Variants in BAZ2B observed in about 807,000 individuals in gnomAD.
BAZ2B encodes bromodomain adjacent to zinc finger domain protein 2B.
Under a neutral mutation model 246.0 loss-of-function variants are expected in BAZ2B, and 91 were observed. The ratio of observed to expected loss-of-function variants is 0.37; its 90% confidence interval spans 0.31 to 0.44. BAZ2B has a LOEUF of 0.44. Ranked by LOEUF, BAZ2B falls within the 20% of genes least tolerant of loss-of-function variation. The pLI, the probability that BAZ2B is intolerant of heterozygous loss-of-function variation, is 1.00. For synonymous variants in BAZ2B, 855 were observed against 860.0 expected (o/e 0.99, Z 0.10); for missense variants, 2,332 against 2,533.7 (o/e 0.92, Z 1.71).
At chr2:159,475,871 G>A (rs1577512235) in intron 3 of BAZ2B, among the ~76,000 whole-genome samples, 1 of 152,150 alleles carries the variant, frequency 6.6e-6, no homozygotes, top group Non-Finnish European at 1.5e-5. Context: ...ACCAGTGGAG[G>A]GTGCAGAACA....
At chr2:159,539,684 T>C (rs2086425091) in intron 2 of BAZ2B, among the ~76,000 whole-genome samples, 1 of 152,216 alleles carries the variant, frequency 6.6e-6, no homozygotes, top group African/African-American at 2.4e-5. Context: ...AAGACCAGCC[T>C]CAGCAACATA....
the BAZ2B span, among the ~76,000 whole-genome samples, chr2:159,654,103 G>A: frequency 2.0e-5 from 3 of 152,140 alleles, no homozygotes; most frequent in Non-Finnish European, 2.9e-5. Flanking sequence ...CTATCAACAA[G>A]AGCAGCTTGG....
intron 2 of BAZ2B, among the ~76,000 whole-genome samples, chr2:159,528,453 C>T (rs576854783): frequency 5.3e-5 from 8 of 152,090 alleles, no homozygotes; most frequent in Admixed American, 3.9e-4. Flanking sequence ...GAGGCCAAGG[C>T]GGTTGGATCA....
the BAZ2B span, among the ~76,000 whole-genome samples, chr2:159,642,477 G>T: frequency 6.6e-6 from 1 of 151,594 alleles, no homozygotes; most frequent in Non-Finnish European, 1.5e-5. Flanking sequence ...GCCCTCAAGT[G>T]ATCCACCCGC....
At chr2:159,645,509 C>T in the BAZ2B span, among the ~76,000 whole-genome samples, 1 of 151,966 alleles carries the variant, frequency 6.6e-6, no homozygotes, top group African/African-American at 2.4e-5. Flanking sequence ...CCATGCACTG[C>T]TCACAATAGG....
intron 27 of BAZ2B, among the ~76,000 whole-genome samples, chr2:159,364,218 A>C (rs935564193): frequency 1.3e-5 from 2 of 152,208 alleles, no homozygotes; most frequent in African/African-American, 4.8e-5. Flanking sequence ...ACCAAGTATC[A>C]TAGCTCCAGA....
chr2:159,439,315 C>G, intron 6 of BAZ2B, 103 bp from the exon 7 acceptor site: 2 of 1,030,206 alleles, frequency 1.9e-6, no homozygotes, highest in Non-Finnish European at 2.8e-6. Context: ...TTTTCAATCT[C>G]AAAATGTCAT....
At chr2:159,464,101 C>T (rs1279960491) in intron 3 of BAZ2B, 1 of 152,174 alleles carries the variant, frequency 6.6e-6, no homozygotes, top group African/African-American at 2.4e-5. Context: ...CCCAACCTTA[C>T]TTCTCCTTAT....
At chr2:159,677,155 G>T in the BAZ2B span, among the ~76,000 whole-genome samples, 1 of 150,884 alleles carries the variant, frequency 6.6e-6, no homozygotes, top group East Asian at 1.9e-4. Flanking sequence ...TTGCTTGAAA[G>T]GTAATAAAAT....
rs188036211 is a variant in BAZ2B, at chr2:159,453,953, A to G, written c.146-152T>C. Reference sequence around the variant, plus strand: ...CTGCATTTTCTACTCTTCAAACCCTATAAAATGTTTCTAGAAACATGAAGA... The same window carrying G: ...CTGCATTTTCTACTCTTCAAACCCTGTAAAATGTTTCTAGAAACATGAAGA... On this transcript the variant is annotated intron_variant, in intron 3 of 36. Coordinates refer to ENST00000392783, the MANE Select transcript of BAZ2B (RefSeq NM_013450.4). 88 of 578,394 alleles carry G rather than the reference A, an allele frequency of 1.5e-4. 1 individual carries two copies. In the East Asian group the frequency reaches 2.9e-3, roughly 19 times the overall value. 35.8% of individuals were successfully genotyped at this position (578,394 alleles called of 1,614,324 possible). A position where few individuals can be genotyped will look rare whatever the true frequency, so the allele number is the denominator to read the frequency against.
chr2:159,696,975 A>T, the BAZ2B span, among the ~76,000 whole-genome samples: 1 of 152,124 alleles, frequency 6.6e-6, no homozygotes, highest in African/African-American at 2.4e-5. Flanking sequence ...TTGTAGGGAC[A>T]GGATTTCACC....
chr2:159,560,781 C>T (rs138824443), intron 1 of BAZ2B, among the ~76,000 whole-genome samples: 5,402 of 152,084 alleles, frequency 0.036, 305 homozygotes, highest in African/African-American at 0.12. Flanking sequence ...CCCGCCTTGG[C>T]CTCCCAAAGT....
the BAZ2B span, among the ~76,000 whole-genome samples, chr2:159,684,260 A>C: frequency 5.9e-3 from 903 of 152,358 alleles, 4 homozygotes; most frequent in Middle Eastern, 0.024. Flanking sequence ...AGCATGAATA[A>C]AGCTGCTATG....
rs534669474 is a variant in BAZ2B at position 159,427,923 on chromosome 2, T to A, written c.2466+18A>T. ...CTACTTTTTGGTTCAAAGACTATAC[T>A]TTTTAAAAAGTGGATACCTGCGGTC... is the stretch of plus-strand genomic sequence containing the variant. On this transcript the variant is annotated intron_variant, in intron 13 of 36. Coordinates refer to ENST00000392783, the MANE Select transcript of BAZ2B (RefSeq NM_013450.4). 10 of 1,603,836 alleles carry A rather than the reference T, an allele frequency of 6.2e-6. No homozygotes were observed. The South Asian group carries it at 9.9e-5, about 16-fold the overall frequency.
chr2:159,544,487 A>G, intron 2 of BAZ2B, among the ~76,000 whole-genome samples: 1 of 152,194 alleles, frequency 6.6e-6, no homozygotes, highest in Non-Finnish European at 1.5e-5. Context: ...AATACAGGGA[A>G]TATATAAAGA....
In BAZ2B at chr2:159,373,193, T is replaced by G. The variant is rs758504511; in HGVS notation, c.4069-4A>C. ...TCCTTCTGTACTGACTCTGTTGCTGTTAAAAAAATGGTACATATAATTAGG... is the reference window on the plus strand; with the variant it reads ...TCCTTCTGTACTGACTCTGTTGCTGGTAAAAAAATGGTACATATAATTAGG... On this transcript the variant is annotated splice_polypyrimidine_tract_variant and splice_region_variant and intron_variant, in intron 26 of 36. Coordinates refer to ENST00000392783, the MANE Select transcript of BAZ2B (RefSeq NM_013450.4). 2 of 1,600,072 alleles carry G rather than the reference T, an allele frequency of 1.2e-6. No individual in the cohort carries two copies. Among genetic ancestry groups the G allele is most frequent in the South Asian group, 2.3e-5 (2 of 87,554 alleles).
intron 2 of BAZ2B, among the ~76,000 whole-genome samples, chr2:159,488,674 A>G (rs1256956088): frequency 6.6e-6 from 1 of 152,214 alleles, no homozygotes; most frequent in East Asian, 1.9e-4. Flanking sequence ...AAAATATTAC[A>G]CAAAAATGAA....
At position 159,412,558 on chromosome 2, in the gene BAZ2B, A is replaced by G. The variant is rs2066985552; in HGVS notation, c.2467-13T>C. 1 of 1,594,462 alleles carries G rather than the reference A, an allele frequency of 6.3e-7. No homozygotes were observed. Among genetic ancestry groups the G allele is most frequent in the Non-Finnish European group, 8.6e-7 (1 of 1,168,278 alleles). On this transcript the variant is annotated splice_polypyrimidine_tract_variant and intron_variant, in intron 13 of 36. Coordinates refer to ENST00000392783, the MANE Select transcript of BAZ2B (RefSeq NM_013450.4). Reference sequence around the variant, plus strand: ...ACCACTGCATTCCCTTTTAATTAACATTTTATAGAAATAATATATTACAAA... The same window carrying G: ...ACCACTGCATTCCCTTTTAATTAACGTTTTATAGAAATAATATATTACAAA...
At chr2:159,574,411 T>G (rs1403052725) in intron 1 of BAZ2B, among the ~76,000 whole-genome samples, 1 of 152,096 alleles carries the variant, frequency 6.6e-6, no homozygotes, top group Non-Finnish European at 1.5e-5. Flanking sequence ...CTGGAACCCT[T>G]ACACAATGCC....
Sources: gnomAD v4.1 joint callset for allele counts (sites outside exome capture counted in the v4.1 genomes callset) on GRCh38, gnomAD v4.1.1 for gene constraint, MANE v1.5 for transcripts, NCBI Gene and HGNC (gene_info 2026-07-23, HGNC 2026-07-21) for gene names.